Variants in KATNAL2 observed in about 807,000 individuals in gnomAD.
KATNAL2 encodes the protein katanin catalytic subunit A1 like 2, also known as katanin p60 ATPase-containing subunit A-like 2.
In KATNAL2, 52 loss-of-function variants were observed where a neutral mutation model predicts 76.3. The ratio of observed to expected loss-of-function variants is 0.68; its 90% CI spans 0.55 to 0.86. The LOEUF is 0.86. Among genes scored for constraint, KATNAL2 ranks in the 40% least tolerant of loss-of-function variants. KATNAL2 has a pLI of 0.00. For missense variants in KATNAL2, 660 were observed against 668.9 expected, an observed-to-expected ratio of 0.99 and a Z score of 0.15; for synonymous variants, 243 against 244.2, an observed-to-expected ratio of 1.00 and a Z score of 0.05.
chr18:46,947,449 C>T (rs1466781490), intron 3 of KATNAL2, among the ~76,000 whole-genome samples: 1 of 152,010 alleles, frequency 6.6e-6, no homozygotes, highest in Non-Finnish European at 1.5e-5. Context: ...ATTACATGAG[C>T]TCTACAATAC....
chr18:46,922,710 T>C (rs918917044), intron 1 of KATNAL2, among the ~76,000 whole-genome samples: 1 of 151,692 alleles, frequency 6.6e-6, no homozygotes, highest in African/African-American at 2.4e-5. Flanking sequence ...AGCAGGAGAA[T>C]CGCTTGAACC....
chr18:47,101,079 C>A lies in KATNAL2; in HGVS notation c.*74C>A, dbSNP rs2063432353. On this transcript the variant is annotated 3_prime_UTR_variant, in exon 18 of 18. Coordinates refer to ENST00000683218, the MANE Select transcript of KATNAL2 (RefSeq NM_001387690.1). ...TAGTTTATTAATGTCCGTGGGAGAA[C>A]AAAATGATTGGAATGGAAAAGAGAA... The A allele has an allele frequency of 3.3e-6, 5 of 1,521,390 alleles. No homozygotes were observed. Among genetic ancestry groups the A allele is most frequent in the Admixed American group, 3.5e-5 (2 of 57,200 alleles). 94.2% of individuals were successfully genotyped at this position (1,521,390 alleles called of 1,614,324 possible).
At chr18:46,924,068 T>A (rs571056430) in intron 1 of KATNAL2, among the ~76,000 whole-genome samples, 3 of 152,340 alleles carry the variant, frequency 2.0e-5, no homozygotes, top group African/African-American at 7.2e-5. Context: ...GTGCAGAAGC[T>A]CTTTAGTTTA....
chr18:46,922,979 C>T (rs2058616381), intron 1 of KATNAL2, among the ~76,000 whole-genome samples: 1 of 146,554 alleles, frequency 6.8e-6, no homozygotes, highest in South Asian at 2.1e-4. Flanking sequence ...GAAGTAAACA[C>T]TTCAGTCCAT....
intron 3 of KATNAL2, among the ~76,000 whole-genome samples, chr18:46,954,755 C>A (rs1199013944): frequency 6.6e-6 from 1 of 151,564 alleles, no homozygotes; most frequent in African/African-American, 2.4e-5. Flanking sequence ...GCAATTCTCC[C>A]ACCTCAGCCT....
intron 10 of KATNAL2, among the ~76,000 whole-genome samples, chr18:47,066,665 GGT>G (rs2061802162): frequency 6.6e-6 from 1 of 151,394 alleles, no homozygotes; most frequent in Non-Finnish European, 1.5e-5. Context: ...CTTTAATTAT[GGT>G]TATAAATCAG....
chr18:47,046,137 C>T (rs926546077), intron 3 of KATNAL2, among the ~76,000 whole-genome samples: 6 of 152,066 alleles, frequency 3.9e-5, no homozygotes, highest in African/African-American at 1.4e-4. Flanking sequence ...AACCTGGTCC[C>T]AATAGTAGTA....
chr18:47,069,338 G>T, intron 12 of KATNAL2, 55 bp downstream of exon 12: 1 of 1,486,916 alleles, frequency 6.7e-7, no homozygotes, highest in Non-Finnish European at 9.3e-7. Context: ...CAGAGGATGA[G>T]TTGCCCCTTC....
intron 1 of KATNAL2, chr18:46,920,068 T>A (rs1404617914): frequency 7.8e-7 from 1 of 1,289,670 alleles, no homozygotes; most frequent in East Asian, 5.5e-5. Flanking sequence ...CGTGCAGTGT[T>A]CTTTGTAGTT....
At chr18:47,049,934 T>C (rs1286216249) in intron 4 of KATNAL2, among the ~76,000 whole-genome samples, 1 of 152,244 alleles carries the variant, frequency 6.6e-6, no homozygotes, top group Non-Finnish European at 1.5e-5. Context: ...AATCTCGCTA[T>C]GTAGACATAG....
intron 3 of KATNAL2, among the ~76,000 whole-genome samples, chr18:46,956,216 C>T (rs72919252): frequency 0.013 from 1,977 of 152,130 alleles, 36 homozygotes; most frequent in Non-Finnish European, 0.018. Context: ...TGGTTTTCAC[C>T]GATTAACAGT....
intron 3 of KATNAL2, among the ~76,000 whole-genome samples, chr18:47,043,457 G>A (rs955968114): frequency 1.3e-5 from 2 of 152,074 alleles, no homozygotes; most frequent in Admixed American, 1.3e-4. Flanking sequence ...GGTAATTTAC[G>A]AAGAAAAGAG....
chr18:47,031,333 G>T (rs551824300), intron 3 of KATNAL2, among the ~76,000 whole-genome samples: 1 of 151,430 alleles, frequency 6.6e-6, no homozygotes, highest in Non-Finnish European at 1.5e-5. Context: ...TTTGAAATAT[G>T]TATGTTTTCG....
At chr18:46,950,138 A>T (rs1004530438) in intron 3 of KATNAL2, among the ~76,000 whole-genome samples, 1 of 152,240 alleles carries the variant, frequency 6.6e-6, no homozygotes, top group African/African-American at 2.4e-5. Flanking sequence ...TTTAGTATTT[A>T]ATTGGATTAA....
chr18:47,034,014 G>A (rs775433426), intron 3 of KATNAL2: 5 of 1,614,128 alleles, frequency 3.1e-6, no homozygotes, highest in South Asian at 1.1e-5. Flanking sequence ...GAGTGCCCTT[G>A]GATTCGTTTG....
At chr18:46,948,906 G>T (rs975022399) in intron 3 of KATNAL2, among the ~76,000 whole-genome samples, 1 of 151,692 alleles carries the variant, frequency 6.6e-6, no homozygotes, top group African/African-American at 2.4e-5. Context: ...GTGTGTGTGT[G>T]TGTGTGTGTG....
intron 3 of KATNAL2, among the ~76,000 whole-genome samples, chr18:47,041,407 C>A (rs1178716065): frequency 6.6e-6 from 1 of 152,174 alleles, no homozygotes; most frequent in Non-Finnish European, 1.5e-5. Flanking sequence ...TTTACTGTCT[C>A]TATAGTTTTG....
At chr18:47,065,276 A>G (rs1470488997) in intron 10 of KATNAL2, among the ~76,000 whole-genome samples, 1 of 152,142 alleles carries the variant, frequency 6.6e-6, no homozygotes, top group African/African-American at 2.4e-5. Context: ...CCTGGCCAAC[A>G]TGGCAAAAAC....
At chr18:47,098,796 T>TA (rs1213172616) in intron 15 of KATNAL2, 2 of 162,398 alleles carry the variant, frequency 1.2e-5, no homozygotes, top group East Asian at 1.8e-4. Flanking sequence ...TTAATGTACT[T>TA]AGAGTGCCCA....
Sources: gnomAD v4.1 joint callset for allele counts (sites outside exome capture counted in the v4.1 genomes callset) on GRCh38, gnomAD v4.1.1 for gene constraint, MANE v1.5 for transcripts, NCBI Gene and HGNC (gene_info 2026-07-23, HGNC 2026-07-21) for gene names.